The following UROC1 variants were observed in gnomAD, a reference collection of about 807,000 sequenced individuals.
The protein encoded by UROC1 is urocanate hydratase.
A neutral mutation model predicts 89.5 loss-of-function variants in UROC1; 79 were observed. That is an observed-to-expected ratio of 0.88 (90% confidence interval 0.74 to 1.06). The LOEUF (loss-of-function observed/expected upper bound fraction) is 1.06, where lower values mean the gene tolerates loss of function less well. Among genes scored for constraint, UROC1 ranks in the 50% least tolerant of loss-of-function variants. UROC1 has a pLI of 0.00. For synonymous variants in UROC1, 361 were observed against 354.8 expected (o/e 1.02, Z -0.20); for missense variants, 885 against 907.8 (o/e 0.97, Z 0.32).
chr3:126,503,994 C>A lies in UROC1; in HGVS notation c.902+1G>T, dbSNP rs557671448. 6.2e-7 allele frequency: 1 copy of A among 1,613,962 alleles called. No individual in the cohort carries two copies. Among genetic ancestry groups the A allele is most frequent in the Non-Finnish European group, 8.5e-7 (1 of 1,180,038 alleles). ...GTCCGGAGTTGAGCTTGGAGCTGTA[C>A]CTGAGCCTCTGGATGCAGCGGTCCA... On this transcript the variant is annotated splice_donor_variant, in intron 9 of 19. Transcript: ENST00000290868. LOFTEE classifies it high-confidence loss of function.
intron 2 of UROC1, 28 bp downstream of exon 2, chr3:126,510,636 C>T (rs1485542636): frequency 6.2e-7 from 1 of 1,612,826 alleles, no homozygotes; most frequent in Non-Finnish European, 8.5e-7. Context: ...CCCTCGGGTC[C>T]CTTTGAAGCT....
chr3:126,494,509 A>T (rs536371051), intron 15 of UROC1, among the ~76,000 whole-genome samples: 1 of 152,252 alleles, frequency 6.6e-6, no homozygotes, highest in Admixed American at 6.5e-5. Flanking sequence ...CTGGATACAA[A>T]TGCAAACCAT....
At chr3:126,492,081 T>TC (rs11392623) in intron 16 of UROC1, among the ~76,000 whole-genome samples, 90,145 of 151,006 alleles carry the variant, frequency 0.6, 27,527 homozygotes, top group South Asian at 0.74. Context: ...CTGCTCCTGC[T>TC]CCCCCAGGCC....
intron 15 of UROC1, among the ~76,000 whole-genome samples, chr3:126,494,050 C>A (rs895275802): frequency 2.0e-5 from 3 of 152,184 alleles, no homozygotes; most frequent in Non-Finnish European, 2.9e-5. Flanking sequence ...AAAAACTACT[C>A]GTGTGAATCA....
Position 126,508,492 on chromosome 3 carries a change from G to A in UROC1, c.352-17C>T, listed in dbSNP as rs1560126836. The A allele has an allele frequency of 1.2e-6, 2 of 1,611,324 alleles. No individual in the cohort carries two copies. Among genetic ancestry groups the A allele is most frequent in the Middle Eastern group, 1.7e-4 (1 of 6,056 alleles). ...CTGGGGAAACTGAGGAAGACACGGG[G>A]TCATCTGAGATGAGGGCCTGGGAAG... On this transcript the variant is annotated splice_polypyrimidine_tract_variant and intron_variant, in intron 3 of 19. Coordinates refer to ENST00000290868, the MANE Select transcript of UROC1 (RefSeq NM_144639.3).
At position 126,508,068 on chromosome 3, in the gene UROC1, T is replaced by G. The variant is rs1239000868; in HGVS notation, c.439A>C (p.Lys147Gln). 3 of 1,613,960 alleles carry G rather than the reference T, an allele frequency of 1.9e-6. No homozygotes were observed. The highest frequency in any genetic ancestry group is 1.7e-5 in the Admixed American group (1 of 60,028). The change falls in exon 5 of 20, where the codon AAG (lysine) becomes CAG (glutamine). Residue 147 changes from lysine to glutamine, a missense_variant. Lys to Gln is a moderately conservative substitution (Grantham distance 53, BLOSUM62 1). Coordinates refer to ENST00000290868, the MANE Select transcript of UROC1 (RefSeq NM_144639.3). ...QFWLTMFYLS[K>Q]MTEEQTLVMY... ...ACCAAAGTCTGCTCCTCTGTCATCT[T>G]CGACAAGTAGAACATGGTCAGCCAG...
intron 1 of UROC1, among the ~76,000 whole-genome samples, chr3:126,512,357 C>A (rs571136404): frequency 1.3e-5 from 2 of 152,236 alleles, no homozygotes; most frequent in Non-Finnish European, 2.9e-5. Flanking sequence ...ATGGGCACTG[C>A]GGCACTGCGG....
At chr3:126,510,857 C>G in intron 1 of UROC1, 63 bp from the exon 2 acceptor site, 2 of 1,585,320 alleles carry the variant, frequency 1.3e-6, no homozygotes, top group Middle Eastern at 2.1e-4. Flanking sequence ...TCTGAGGCCC[C>G]GCGATGGGCC....
intron 9 of UROC1, among the ~76,000 whole-genome samples, chr3:126,501,501 C>T (rs932915375): frequency 1.3e-5 from 2 of 152,208 alleles, no homozygotes; most frequent in African/African-American, 2.4e-5. Flanking sequence ...ACCCAAATTC[C>T]CCAGACCAGA....
intron 15 of UROC1, among the ~76,000 whole-genome samples, 171 bp downstream of exon 15, chr3:126,495,867 C>T (rs1282450746): frequency 6.6e-6 from 1 of 152,220 alleles, no homozygotes; most frequent in Non-Finnish European, 1.5e-5. Context: ...CCCAGTGTGG[C>T]CACCATGGGG....
At chr3:126,490,660 GTCTT>G (rs1173192831) in intron 16 of UROC1, among the ~76,000 whole-genome samples, 2 of 150,732 alleles carry the variant, frequency 1.3e-5, no homozygotes, top group African/African-American at 4.9e-5. Context: ...TATGGAGTGA[GTCTT>G]TCTCCAAAAA....
intron 18 of UROC1, among the ~76,000 whole-genome samples, chr3:126,487,257 C>T (rs1228885798): frequency 6.6e-6 from 1 of 152,236 alleles, no homozygotes; most frequent in Non-Finnish European, 1.5e-5. Flanking sequence ...GCAAACTGCT[C>T]AGCCTCCTTC....
At position 126,482,120 on chromosome 3, in the gene UROC1, T is replaced by C. The variant is rs905378916; in HGVS notation, c.*225A>G. The stretch of plus-strand genomic sequence containing the variant: ...ACTTTGACAGCCTTCAGGGCTCCCA[T>C]GCAAGTGGCATGGTTGTGGACAGAG... On this transcript the variant is annotated 3_prime_UTR_variant, in exon 20 of 20. Coordinates refer to ENST00000290868, the MANE Select transcript of UROC1 (RefSeq NM_144639.3). 1.3e-5 allele frequency: 8 copies of C among 634,174 alleles called. No homozygotes were observed. The highest frequency in any genetic ancestry group is 2.1e-5 in the Non-Finnish European group (8 of 372,702). The allele number at this position is 634,174 out of a possible 1,614,324, so 39.3% of individuals were successfully genotyped here. A position where few individuals can be genotyped will look rare whatever the true frequency, so the allele number is the denominator to read the frequency against.
chr3:126,502,093 T>A, intron 9 of UROC1: 2 of 808,194 alleles, frequency 2.5e-6, no homozygotes, highest in Non-Finnish European at 3.7e-6. Context: ...CATGTGTGGA[T>A]GTGCATGCAT....
At chr3:126,509,785 G>A (rs1936156341) in intron 2 of UROC1, 107 bp from the exon 3 acceptor site, 1 of 1,060,238 alleles carries the variant, frequency 9.4e-7, no homozygotes, top group Admixed American at 2.0e-5. Flanking sequence ...CCGGACACGG[G>A]GCCTGCAGAA....
chr3:126,506,682 T>C (rs1464162777), intron 6 of UROC1, among the ~76,000 whole-genome samples: 1 of 152,120 alleles, frequency 6.6e-6, no homozygotes, highest in African/African-American at 2.4e-5. Context: ...CCCACATGCA[T>C]AGAAAGTGTT....
intron 1 of UROC1, among the ~76,000 whole-genome samples, chr3:126,512,387 C>A (rs1936215941): frequency 6.6e-6 from 1 of 152,234 alleles, no homozygotes; most frequent in African/African-American, 2.4e-5. Flanking sequence ...CAGCTCCCTC[C>A]AGAAGGAGCA....
intron 15 of UROC1, 75 bp downstream of exon 15, chr3:126,495,963 G>T: frequency 2.1e-6 from 3 of 1,463,366 alleles, no homozygotes; most frequent in Non-Finnish European, 2.8e-6. Context: ...CTGAGCGCCC[G>T]TCAGCAGCAC....
intron 18 of UROC1, among the ~76,000 whole-genome samples, chr3:126,484,625 AG>A (rs1461821395): frequency 2.0e-5 from 3 of 152,150 alleles, no homozygotes; most frequent in Non-Finnish European, 4.4e-5. Context: ...AGCCAGTGAG[AG>A]GTGCCCTGTG....
Sources: gnomAD v4.1 joint callset for allele counts (sites outside exome capture counted in the v4.1 genomes callset) on GRCh38, gnomAD v4.1.1 for gene constraint, MANE v1.5 for transcripts, NCBI Gene and HGNC (gene_info 2026-07-23, HGNC 2026-07-21) for gene names.